PDE8B: variants seen among roughly 807,000 people sequenced by gnomAD.
The protein encoded by PDE8B is phosphodiesterase 8B, also known as high affinity cAMP-specific and IBMX-insensitive 3',5'-cyclic phosphodiesterase 8B.
Under a neutral mutation model 101.3 loss-of-function variants are expected in PDE8B, and 26 were observed. The ratio of observed to expected loss-of-function variants is 0.26; its 90% confidence interval spans 0.19 to 0.36. The LOEUF (loss-of-function observed/expected upper bound fraction) is 0.36. PDE8B is among the 10% of genes least tolerant of loss of function. PDE8B has a pLI of 1.00. For synonymous variants in PDE8B, 424 were observed against 429.3 expected (o/e 0.99, Z 0.15); for missense variants, 810 against 1,163.1 (o/e 0.70, Z 4.42).
At chr5:77,097,695 ATATATATATATC>A in the PDE8B span, among the ~76,000 whole-genome samples, 101 of 22,184 alleles carry the variant, frequency 4.6e-3, 5 homozygotes, top group Admixed American at 0.029. Flanking sequence ...TTATATATCT[ATATATATATATC>A]TATATATATA....
intron 17 of PDE8B, among the ~76,000 whole-genome samples, chr5:77,415,520 G>A (rs1207859246): frequency 1.3e-5 from 2 of 151,996 alleles, no homozygotes; most frequent in Non-Finnish European, 2.9e-5. Flanking sequence ...ACCAAGCCCA[G>A]GCTAATTTTT....
At chr5:77,102,091 T>A in the PDE8B span, among the ~76,000 whole-genome samples, 7 of 152,320 alleles carry the variant, frequency 4.6e-5, no homozygotes, top group Non-Finnish European at 8.8e-5. Context: ...GGCTCTTCCC[T>A]AAGTCCACCC....
intron 10 of PDE8B, among the ~76,000 whole-genome samples, chr5:77,386,861 G>GTTTTTTTTTT: frequency 2.8e-5 from 3 of 105,480 alleles, no homozygotes; most frequent in Admixed American, 1.0e-4. Context: ...AGTTGATGTA[G>GTTTTTTTTTT]TTTCTTTTTT....
At chr5:77,343,567 G>T (rs1486017369) in intron 6 of PDE8B, among the ~76,000 whole-genome samples, 2 of 152,194 alleles carry the variant, frequency 1.3e-5, no homozygotes, top group African/African-American at 4.8e-5. Flanking sequence ...ACTGGGAGTT[G>T]CTCTGGGTGA....
rs1324878611 is a variant in PDE8B at position 77,210,803 on chromosome 5, C to A, written c.-123C>A. ...CCAGCCCGACGGAGCGGCGGACACA[C>A]AGGCCGGGGGGCGCGCAGTCCGGGC... is the stretch of plus-strand genomic sequence containing the variant. On this transcript the variant is annotated 5_prime_UTR_variant, in exon 1 of 22. Coordinates refer to ENST00000264917, the MANE Select transcript of PDE8B (RefSeq NM_003719.5). The surrounding 1 kb of genome is among the most constrained non-coding windows in gnomAD (Gnocchi z 4.9). 2.0e-6 allele frequency: 2 copies of A among 983,976 alleles called. No individual in the cohort carries two copies. Among genetic ancestry groups the A allele is most frequent in the Admixed American group, 1.2e-4 (2 of 16,002 alleles). The allele number at this position is 983,976 out of a possible 1,614,324, so 61.0% of individuals were successfully genotyped here. A position where few individuals can be genotyped will look rare whatever the true frequency, so the allele number is the denominator to read the frequency against.
At chr5:77,265,271 G>A (rs1043923136) in intron 1 of PDE8B, among the ~76,000 whole-genome samples, 1 of 152,174 alleles carries the variant, frequency 6.6e-6, no homozygotes, top group Non-Finnish European at 1.5e-5. Context: ...ATACCTGCTG[G>A]ACTTTAATAC....
the PDE8B span, among the ~76,000 whole-genome samples, chr5:77,203,589 C>T: frequency 6.6e-6 from 1 of 152,126 alleles, no homozygotes; most frequent in Non-Finnish European, 1.5e-5. Context: ...CTTAAATTCA[C>T]GTCCTCTGAG....
chr5:77,346,891 T>C (rs1036328888), intron 7 of PDE8B, among the ~76,000 whole-genome samples: 17 of 152,346 alleles, frequency 1.1e-4, no homozygotes, highest in African/African-American at 2.9e-4. Flanking sequence ...GATGTCATCA[T>C]TGGATGGGAT....
chr5:77,098,318 C>T, the PDE8B span, among the ~76,000 whole-genome samples: 1 of 149,680 alleles, frequency 6.7e-6, no homozygotes, highest in Non-Finnish European at 1.5e-5. Flanking sequence ...AAGTCTTGTT[C>T]TGTCACCCAG....
At chr5:77,328,882 G>A (rs753228990) in intron 3 of PDE8B, 116 bp from the exon 4 acceptor site, 67 of 807,292 alleles carry the variant, frequency 8.3e-5, no homozygotes, top group Non-Finnish European at 1.3e-4. Context: ...GTTTTGAGAC[G>A]TTTTCTTTAG....
At chr5:77,200,011 G>A in the PDE8B span, among the ~76,000 whole-genome samples, 45,719 of 150,220 alleles carry the variant, frequency 0.3, 7,293 homozygotes, top group Non-Finnish European at 0.36. Context: ...GTCTTCTCAG[G>A]TTTAAACTCT....
intron 1 of PDE8B, among the ~76,000 whole-genome samples, chr5:77,249,611 C>T (rs1488384222): frequency 6.6e-6 from 1 of 152,222 alleles, no homozygotes; most frequent in Non-Finnish European, 1.5e-5. Flanking sequence ...ACAGCATTTT[C>T]TGAAGTAATG....
upstream of PDE8B, chr5:77,210,656 G>T: frequency 1.0e-6 from 1 of 981,036 alleles, no homozygotes; most frequent in Non-Finnish European, 1.2e-6. The surrounding 1 kb of genome is among the most constrained non-coding windows in gnomAD (Gnocchi z 4.9). Flanking sequence ...GGAGGGTGGC[G>T]GCCGCTGGTG....
rs1053750432 is a variant in PDE8B at position 77,423,645 on chromosome 5, T to G, written c.2418+1657T>G. On this transcript the variant is annotated intron_variant, in intron 20 of 21. Transcript: ENST00000264917. ...TTGTTTTGTTTAGTTTTTTTTTTTT[T>G]TTTTTTTTTTTTTTGAGACAGTCTT... Among the ~76,000 whole-genome samples, 24 of 127,648 alleles carry G rather than the reference T, an allele frequency of 1.9e-4. No homozygotes were observed. The South Asian group carries it at 4.1e-3, about 22-fold the overall frequency. The allele number at this position is 127,648 out of a possible 152,430, so 83.7% of individuals were successfully genotyped here. A position where few individuals can be genotyped will look rare whatever the true frequency, so the allele number is the denominator to read the frequency against.
chr5:77,267,439 C>CAA (rs1237992036), intron 1 of PDE8B, among the ~76,000 whole-genome samples: 57 of 98,188 alleles, frequency 5.8e-4, no homozygotes, highest in African/African-American at 2.0e-3. Flanking sequence ...GACTCCATCT[C>CAA]AAAAAAAAAA....
At chr5:77,401,253 C>A (rs1792201418) in intron 11 of PDE8B, among the ~76,000 whole-genome samples, 1 of 152,172 alleles carries the variant, frequency 6.6e-6, no homozygotes, top group African/African-American at 2.4e-5. Flanking sequence ...CACACAGGTG[C>A]ATTTTCTCTC....
chr5:77,096,534 G>T, the PDE8B span, among the ~76,000 whole-genome samples: 21 of 152,298 alleles, frequency 1.4e-4, no homozygotes, highest in Non-Finnish European at 1.5e-4. Context: ...CAGAAGGCAA[G>T]GGGTAGGAGG....
rs796213860 is a variant in PDE8B at position 77,380,035 on chromosome 5, C to G, written c.1168-20213C>G. 2.6e-5 allele frequency among the ~76,000 whole-genome samples: 4 copies of G among 152,274 alleles called. No individual in the cohort carries two copies. The East Asian group carries it at 5.8e-4, about 22-fold the overall frequency. On this transcript the variant is annotated intron_variant, in intron 10 of 21. Coordinates refer to ENST00000264917, the MANE Select transcript of PDE8B (RefSeq NM_003719.5). ...TCAGTCTTAAAAGTGCTTAATAAGT[C>G]AACGTTTAAAGCTACAGTGATTATT...
chr5:77,259,620 A>G (rs186544231), intron 1 of PDE8B, among the ~76,000 whole-genome samples: 218 of 152,176 alleles, frequency 1.4e-3, no homozygotes, highest in Non-Finnish European at 9.0e-4. Context: ...TCTCTACTCT[A>G]AGAAGGAGGG....
Sources: gnomAD v4.1 joint callset for allele counts (sites outside exome capture counted in the v4.1 genomes callset) on GRCh38, gnomAD v4.1.1 for gene constraint, Gnocchi (gnomAD v3.1) non-coding constraint, MANE v1.5 for transcripts, NCBI Gene and HGNC (gene_info 2026-07-23, HGNC 2026-07-21) for gene names.